Variants in CELF2 observed in about 807,000 individuals in gnomAD.
CELF2 encodes CUG triplet repeat RNA-binding protein 2.
A neutral mutation model predicts 62.6 loss-of-function variants in CELF2; 8 were observed. That is an observed-to-expected ratio of 0.13 (90% CI 0.07 to 0.23). The LOEUF is 0.23. Among genes scored for constraint, CELF2 ranks in the 10% least tolerant of loss-of-function variants. The pLI, the probability that CELF2 is intolerant of heterozygous loss-of-function variation, is 1.00. For synonymous variants in CELF2, 258 were observed against 250.0 expected (o/e 1.03, Z -0.30); for missense variants, 333 against 671.0 (o/e 0.50, Z 5.56).
chr10:10,603,469 A>G, the CELF2 span, among the ~76,000 whole-genome samples: 3 of 152,212 alleles, frequency 2.0e-5, no homozygotes, highest in African/African-American at 7.2e-5. Flanking sequence ...CCTTGAGGCC[A>G]CTGTCTTCTG....
chr10:11,176,066 G>A (rs1460661464), intron 2 of CELF2, among the ~76,000 whole-genome samples: 5 of 152,160 alleles, frequency 3.3e-5, no homozygotes, highest in Admixed American at 2.0e-4. Context: ...TGATCATCCT[G>A]TGCTATTCAT....
chr10:11,197,679 C>T (rs538981694), intron 2 of CELF2, among the ~76,000 whole-genome samples: 68 of 152,334 alleles, frequency 4.5e-4, no homozygotes, highest in African/African-American at 1.6e-3. Context: ...TTGACTTACA[C>T]GGTCGGTGGC....
chr10:10,836,968 C>T (rs1214135779), intron 1 of CELF2, among the ~76,000 whole-genome samples: 2 of 152,164 alleles, frequency 1.3e-5, no homozygotes, highest in African/African-American at 2.4e-5. Context: ...CATATGAATA[C>T]ATTGGTCTGG....
chr10:11,165,189 C>A lies in CELF2; in HGVS notation c.75-297C>A. On this transcript the variant is annotated intron_variant, in intron 1 of 12. Transcript: ENST00000633077. The surrounding 1 kb of genome is among the most constrained non-coding windows in gnomAD (Gnocchi z 7.4). ...AGCTAGACCTGCACTTAACTTGCAGCTGCCTCCCGAGCCTCCAAGATGTCC... is the reference window on the plus strand; with the variant it reads ...AGCTAGACCTGCACTTAACTTGCAGATGCCTCCCGAGCCTCCAAGATGTCC... 8.1e-7 allele frequency: 1 copy of A among 1,230,676 alleles called. No homozygotes were observed. Among genetic ancestry groups the A allele is most frequent in the South Asian group, 1.9e-5 (1 of 52,902 alleles). 76.2% of individuals were successfully genotyped at this position (1,230,676 alleles called of 1,614,324 possible). A position where few individuals can be genotyped will look rare whatever the true frequency, so the allele number is the denominator to read the frequency against.
intron 5 of CELF2, among the ~76,000 whole-genome samples, chr10:11,266,314 G>T (rs1027944874): frequency 6.6e-6 from 1 of 151,898 alleles, no homozygotes; most frequent in Non-Finnish European, 1.5e-5. Flanking sequence ...TTTCAAACCC[G>T]GTGGCTAAAA....
intron 1 of CELF2, among the ~76,000 whole-genome samples, chr10:10,904,294 A>G (rs958046885): frequency 1.3e-5 from 2 of 151,510 alleles, no homozygotes; most frequent in Admixed American, 6.6e-5. Flanking sequence ...TGGTGTGATC[A>G]TAGCTCCCTG....
chr10:10,583,573 G>A, the CELF2 span, among the ~76,000 whole-genome samples: 1 of 152,298 alleles, frequency 6.6e-6, no homozygotes, highest in Admixed American at 6.5e-5. Flanking sequence ...ATTTCTCCCA[G>A]TAAAGCTTCA....
At chr10:10,638,757 G>A in the CELF2 span, among the ~76,000 whole-genome samples, 4 of 152,278 alleles carry the variant, frequency 2.6e-5, no homozygotes, top group Admixed American at 2.6e-4. Flanking sequence ...AAAGGACTAA[G>A]TTTTCTACTC....
chr10:10,884,537 T>G (rs1391350725), intron 1 of CELF2, among the ~76,000 whole-genome samples: 1 of 152,242 alleles, frequency 6.6e-6, no homozygotes, highest in Admixed American at 6.5e-5. Context: ...CATTCTTTAA[T>G]AGGACTTTTA....
intron 5 of CELF2, among the ~76,000 whole-genome samples, chr10:11,262,484 C>T (rs575920090): frequency 6.6e-6 from 1 of 152,292 alleles, no homozygotes; most frequent in African/African-American, 2.4e-5. Flanking sequence ...GCGACATGCC[C>T]CCTTGACTCC....
chr10:11,170,858 T>G (rs1014264973), intron 2 of CELF2, among the ~76,000 whole-genome samples: 1 of 152,206 alleles, frequency 6.6e-6, no homozygotes, highest in Non-Finnish European at 1.5e-5. Context: ...CATAGCACTC[T>G]GAGAAAGCGT....
intron 1 of CELF2, among the ~76,000 whole-genome samples, chr10:10,904,288 G>A (rs370352925): frequency 3.3e-5 from 5 of 151,164 alleles, no homozygotes; most frequent in African/African-American, 7.3e-5. Context: ...GTGCAGTGGT[G>A]TGATCATAGC....
intron 1 of CELF2, among the ~76,000 whole-genome samples, chr10:10,805,343 G>A (rs1212838347): frequency 6.6e-6 from 1 of 152,176 alleles, no homozygotes; most frequent in Non-Finnish European, 1.5e-5. Flanking sequence ...TGACAAGCAT[G>A]GCAAAGTGTG....
chr10:10,580,529 G>A, the CELF2 span, among the ~76,000 whole-genome samples: 30 of 152,166 alleles, frequency 2.0e-4, no homozygotes, highest in Middle Eastern at 6.8e-3. Context: ...ATTCTGACCC[G>A]GCACTAACCA....
chr10:10,576,980 C>T, the CELF2 span, among the ~76,000 whole-genome samples: 1 of 152,174 alleles, frequency 6.6e-6, no homozygotes, highest in South Asian at 2.1e-4. Context: ...ACTCCCATTA[C>T]CTCAGCAAGA....
At chr10:10,703,284 G>A in the CELF2 span, among the ~76,000 whole-genome samples, 1 of 152,164 alleles carries the variant, frequency 6.6e-6, no homozygotes, top group Non-Finnish European at 1.5e-5. Flanking sequence ...CCTGAGTTGG[G>A]AGATTAATTA....
chr10:11,135,779 C>T (rs762517632), intron 1 of CELF2, among the ~76,000 whole-genome samples: 21 of 152,162 alleles, frequency 1.4e-4, no homozygotes, highest in Admixed American at 5.9e-4. Flanking sequence ...TCCTGGAGTC[C>T]TAGAGGCAAA....
At chr10:11,081,074 A>C (rs1037240214) in intron 1 of CELF2, among the ~76,000 whole-genome samples, 6 of 151,342 alleles carry the variant, frequency 4.0e-5, no homozygotes, top group Non-Finnish European at 8.9e-5. Flanking sequence ...ATTATTCTTT[A>C]AATGGTGCTT....
chr10:11,253,013 T>C (rs768125070), intron 4 of CELF2, among the ~76,000 whole-genome samples: 2 of 152,130 alleles, frequency 1.3e-5, no homozygotes, highest in African/African-American at 2.4e-5. Context: ...AATCCTCTAT[T>C]GCTGTGCCCA....
Sources: allele counts gnomAD v4.1 joint callset (sites outside exome capture counted in the v4.1 genomes callset), GRCh38; gene constraint gnomAD v4.1.1; non-coding constraint Gnocchi (gnomAD v3.1); transcripts MANE v1.5; gene names NCBI Gene and HGNC (gene_info 2026-07-23, HGNC 2026-07-21).